Variants in SCML4 observed in about 807,000 individuals in gnomAD.
The protein encoded by SCML4 is sex comb on midleg-like protein 4.
SCML4 carries 34 observed loss-of-function variants against 41.1 expected under a neutral mutation model. That is an observed-to-expected ratio of 0.83 (90% CI 0.63 to 1.10). The LOEUF is 1.10. Ranked by LOEUF, SCML4 falls within the 50% of genes least tolerant of loss-of-function variation. The pLI, the probability that SCML4 is intolerant of heterozygous loss-of-function variation, is 0.00. For missense variants in SCML4, 522 were observed against 534.1 expected, an observed-to-expected ratio of 0.98 and a Z score of 0.22; for synonymous variants, 214 against 220.9, an observed-to-expected ratio of 0.97 and a Z score of 0.28.
At chr6:107,749,379 C>T (rs1202600559) in intron 3 of SCML4, among the ~76,000 whole-genome samples, 1 of 151,928 alleles carries the variant, frequency 6.6e-6, no homozygotes, top group Non-Finnish European at 1.5e-5. Flanking sequence ...ATCAGCGCAC[C>T]CCAGCTCCTA....
rs1486243288 is a variant in SCML4 at position 107,735,785 on chromosome 6, C to A, written c.682+9164G>T. On this transcript the variant is annotated intron_variant, in intron 5 of 7. Coordinates refer to ENST00000369020, the MANE Select transcript of SCML4 (RefSeq NM_198081.5). ...CTGCACTCCAGCCTAGATGATGGAG[C>A]AAGACCTTGTCTCAAAAAAAAAAAA... Among the ~76,000 whole-genome samples the A allele has an allele frequency of 1.2e-4, 15 of 123,888 alleles. No individual in the cohort carries two copies. The Admixed American group carries it at 1.3e-3, about 10-fold the overall frequency. The allele number at this position is 123,888 out of a possible 152,430, so 81.3% of individuals were successfully genotyped here.
intron 2 of SCML4, among the ~76,000 whole-genome samples, chr6:107,754,032 G>A (rs1778906494): frequency 6.6e-6 from 1 of 152,200 alleles, no homozygotes; most frequent in African/African-American, 2.4e-5. Context: ...CATGAACTGG[G>A]AGAGTAGGAG....
At chr6:107,773,784 C>A (rs1780707178) in intron 1 of SCML4, among the ~76,000 whole-genome samples, 1 of 152,046 alleles carries the variant, frequency 6.6e-6, no homozygotes, top group African/African-American at 2.4e-5. Flanking sequence ...TGATAAAATT[C>A]ATTTTTAAGG....
chr6:107,768,348 T>A (rs896111924), intron 2 of SCML4, among the ~76,000 whole-genome samples: 25 of 152,210 alleles, frequency 1.6e-4, no homozygotes, highest in Non-Finnish European at 2.4e-4. Context: ...AAGTCACTGT[T>A]ATTTAGCCCT....
At chr6:107,822,636 A>G (rs1785034016) in intron 1 of SCML4, among the ~76,000 whole-genome samples, 1 of 152,044 alleles carries the variant, frequency 6.6e-6, no homozygotes, top group Non-Finnish European at 1.5e-5. Context: ...CAAATGAAGC[A>G]AACTGATGAA....
chr6:107,710,958 C>T (rs1206204602), intron 6 of SCML4, among the ~76,000 whole-genome samples: 1 of 67,806 alleles, frequency 1.5e-5, no homozygotes, highest in Non-Finnish European at 3.1e-5. Flanking sequence ...AGAGCAAAGT[C>T]CCATCTGCTT....
At chr6:107,738,082 C>T (rs537538752) in intron 5 of SCML4, among the ~76,000 whole-genome samples, 3 of 152,100 alleles carry the variant, frequency 2.0e-5, no homozygotes, top group African/African-American at 7.2e-5. Context: ...AATTTTAACA[C>T]TCAAAGGCAA....
chr6:107,822,340 C>A (rs1414877426), intron 1 of SCML4, among the ~76,000 whole-genome samples: 1 of 152,134 alleles, frequency 6.6e-6, no homozygotes, highest in African/African-American at 2.4e-5. Flanking sequence ...CTTTCACCCT[C>A]ACCCCCAGGA....
At chr6:107,787,277 G>T (rs935632774) in intron 1 of SCML4, among the ~76,000 whole-genome samples, 1 of 152,180 alleles carries the variant, frequency 6.6e-6, no homozygotes, top group Non-Finnish European at 1.5e-5. Flanking sequence ...ATTATTTATT[G>T]CCTACAGAGC....
At chr6:107,833,378 G>C in the SCML4 span, among the ~76,000 whole-genome samples, 5 of 152,264 alleles carry the variant, frequency 3.3e-5, no homozygotes, top group South Asian at 1.0e-3. Context: ...AGGAGGGTCC[G>C]TTCTCTCCGC....
chr6:107,787,073 C>A (rs1412524495), intron 1 of SCML4, among the ~76,000 whole-genome samples: 1 of 152,176 alleles, frequency 6.6e-6, no homozygotes. Context: ...CCTGTGTCGG[C>A]CCTGGACAGA....
At chr6:107,808,003 C>T (rs1783867303) in intron 1 of SCML4, among the ~76,000 whole-genome samples, 1 of 152,182 alleles carries the variant, frequency 6.6e-6, no homozygotes, top group African/African-American at 2.4e-5. Context: ...TCACTGATCA[C>T]GTTGTTCTAA....
In SCML4 at chr6:107,720,986, T is replaced by C. The variant is rs777488371; in HGVS notation, c.690A>G (p.Thr230=). The C allele has an allele frequency of 1.2e-6, 2 of 1,607,704 alleles. No homozygotes were observed. Among genetic ancestry groups the C allele is most frequent in the Non-Finnish European group, 8.5e-7 (1 of 1,177,070 alleles). ...KEEGRMESVK[T]VTTEEYLVNP... ...TCACCAGGTACTCTTCGGTGGTGACTGTCTTGACTAAGCAATAAGGCAGTA... is the reference window on the plus strand; with the variant it reads ...TCACCAGGTACTCTTCGGTGGTGACCGTCTTGACTAAGCAATAAGGCAGTA... Residue 230 remains threonine, a synonymous_variant, in exon 6 of 8, where the codon ACA becomes ACG. Transcript: ENST00000369020.
intron 1 of SCML4, among the ~76,000 whole-genome samples, chr6:107,822,508 C>CTTTTTTTTTTTTTTTTTTTTT (rs10677944): frequency 3.6e-5 from 5 of 137,994 alleles, no homozygotes; most frequent in African/African-American, 1.1e-4. Context: ...TTTTTCTTTT[C>CTTTTTTTTTTTTTTTTTTTTT]TTTTTTTTTT....
At position 107,710,857 on chromosome 6, in the gene SCML4, AT is replaced by A. The variant is rs1175929276; in HGVS notation, c.974-2847del. Reference sequence around the variant, plus strand: ...CTGTTCTTCTTATTATGATGATGTCATTCCATAAATGGCCAGTAGATTTGTT... The same window carrying A: ...CTGTTCTTCTTATTATGATGATGTCATCCATAAATGGCCAGTAGATTTGTT... On this transcript the variant is annotated intron_variant, in intron 6 of 7. Coordinates refer to ENST00000369020, the MANE Select transcript of SCML4 (RefSeq NM_198081.5). Among the ~76,000 whole-genome samples, 8 of 64,494 alleles carry A rather than the reference AT, an allele frequency of 1.2e-4. 3 individuals are homozygous for A. The highest frequency in any genetic ancestry group is 2.0e-4 in the Non-Finnish European group (6 of 29,934). 42.3% of individuals were successfully genotyped at this position (64,494 alleles called of 152,430 possible). A position where few individuals can be genotyped will look rare whatever the true frequency, so the allele number is the denominator to read the frequency against.
chr6:107,721,102 G>T, intron 5 of SCML4, 109 bp from the exon 6 acceptor site: 2 of 1,352,588 alleles, frequency 1.5e-6, no homozygotes, highest in Non-Finnish European at 2.0e-6. Context: ...GCCAGTATTT[G>T]TGAGCATGCA....
chr6:107,802,723 T>TC (rs1783287309), intron 1 of SCML4, among the ~76,000 whole-genome samples: 1 of 127,552 alleles, frequency 7.8e-6, no homozygotes, highest in African/African-American at 3.3e-5. Context: ...TCCCTCTCCC[T>TC]CTCCCCCTCC....
intron 2 of SCML4, among the ~76,000 whole-genome samples, chr6:107,760,138 T>A (rs1478629085): frequency 6.6e-6 from 1 of 152,222 alleles, no homozygotes; most frequent in Non-Finnish European, 1.5e-5. Flanking sequence ...AGCACCATAT[T>A]TGGAATGTTA....
At chr6:107,762,072 G>T (rs1015866451) in intron 2 of SCML4, among the ~76,000 whole-genome samples, 1 of 152,054 alleles carries the variant, frequency 6.6e-6, no homozygotes, top group African/African-American at 2.4e-5. Context: ...AAATTAAAAT[G>T]CATGGCAACA....
Sources: allele counts gnomAD v4.1 joint callset (sites outside exome capture counted in the v4.1 genomes callset), GRCh38; gene constraint gnomAD v4.1.1; transcripts MANE v1.5; gene names NCBI Gene and HGNC (gene_info 2026-07-23, HGNC 2026-07-21).